The following SH3GL2 variants were observed in gnomAD, a reference collection of about 807,000 sequenced individuals.
SH3GL2 encodes endophilin-A1.
Under a neutral mutation model 46.0 loss-of-function variants are expected in SH3GL2, and 24 were observed. The observed-to-expected ratio is 0.52, with a 90% confidence interval of 0.38 to 0.73. SH3GL2 has a LOEUF of 0.73. Ranked by LOEUF, SH3GL2 falls within the 30% of genes least tolerant of loss-of-function variation. The probability of loss-of-function intolerance (pLI) is 0.00; values close to 1 mark genes in which losing one functional copy is unlikely to be tolerated. For synonymous variants in SH3GL2, 196 were observed against 147.1 expected, an observed-to-expected ratio of 1.33 and a Z score of -2.40; for missense variants, 413 against 424.2, an observed-to-expected ratio of 0.97 and a Z score of 0.23.
At chr9:17,763,419 C>A (rs896925313) in intron 3 of SH3GL2, among the ~76,000 whole-genome samples, 1 of 152,116 alleles carries the variant, frequency 6.6e-6, no homozygotes, top group Admixed American at 6.5e-5. Flanking sequence ...CCCCTAGAAC[C>A]AGTGATGGGT....
intron 3 of SH3GL2, among the ~76,000 whole-genome samples, chr9:17,780,473 T>G (rs1259365488): frequency 7.8e-6 from 1 of 128,050 alleles, no homozygotes; most frequent in East Asian, 2.0e-4. Context: ...AGCACAGTTT[T>G]TTTTTTTAAT....
At chr9:17,692,995 C>G (rs184793282) in intron 1 of SH3GL2, among the ~76,000 whole-genome samples, 236 of 152,206 alleles carry the variant, frequency 1.6e-3, no homozygotes, top group African/African-American at 5.5e-3. Context: ...AGTTACCTCC[C>G]CCTGGGTCCC....
At chr9:17,702,036 A>C (rs1241576322) in intron 1 of SH3GL2, among the ~76,000 whole-genome samples, 1 of 152,128 alleles carries the variant, frequency 6.6e-6, no homozygotes, top group African/African-American at 2.4e-5. Flanking sequence ...TATATTTAAA[A>C]ACATTAAAAA....
At chr9:17,695,261 A>G (rs1469125718) in intron 1 of SH3GL2, among the ~76,000 whole-genome samples, 2 of 152,218 alleles carry the variant, frequency 1.3e-5, no homozygotes, top group East Asian at 3.9e-4. Flanking sequence ...GTGAAATGCG[A>G]TCCCTTTAAC....
chr9:17,740,354 G>A (rs959251383), intron 1 of SH3GL2, among the ~76,000 whole-genome samples: 1 of 151,996 alleles, frequency 6.6e-6, no homozygotes, highest in Non-Finnish European at 1.5e-5. Flanking sequence ...ATTATACATG[G>A]GGATACCACC....
At chr9:17,677,885 T>C (rs1441598388) in intron 1 of SH3GL2, among the ~76,000 whole-genome samples, 1 of 151,772 alleles carries the variant, frequency 6.6e-6, no homozygotes, top group African/African-American at 2.4e-5. Flanking sequence ...CGGTGTTTGG[T>C]TTTTGTCCTT....
rs200494117 is a variant in SH3GL2, at chr9:17,679,897, T to C, written c.46-67169T>C. Among the ~76,000 whole-genome samples the C allele has an allele frequency of 2.0e-4, 31 of 152,342 alleles. 1 individual carries two copies. The East Asian group carries it at 5.8e-3, about 28-fold the overall frequency. The stretch of plus-strand genomic sequence containing the variant: ...ATCTCTTGAGATAATCATGTGGTTT[T>C]TGTCTTTGGTTCTGTTTATATGCTG... On this transcript the variant is annotated intron_variant, in intron 1 of 8. Transcript: ENST00000380607.
At chr9:17,729,438 T>C (rs1405129410) in intron 1 of SH3GL2, among the ~76,000 whole-genome samples, 3 of 152,204 alleles carry the variant, frequency 2.0e-5, no homozygotes, top group African/African-American at 7.2e-5. Flanking sequence ...ATAGTTTCTT[T>C]TGCTCTACAG....
chr9:17,678,169 C>T (rs1191783889), intron 1 of SH3GL2, among the ~76,000 whole-genome samples: 1 of 151,998 alleles, frequency 6.6e-6, no homozygotes, highest in African/African-American at 2.4e-5. Flanking sequence ...ATTGCTGGGT[C>T]AAATGGTATT....
chr9:17,634,729 A>G (rs372818314), intron 1 of SH3GL2, among the ~76,000 whole-genome samples: 1 of 152,190 alleles, frequency 6.6e-6, no homozygotes, highest in African/African-American at 2.4e-5. Context: ...CTTCAGTGAA[A>G]GCAGCACAGA....
chr9:17,787,608 T>C, intron 5 of SH3GL2, 95 bp downstream of exon 5: 1 of 995,044 alleles, frequency 1.0e-6, no homozygotes, highest in Middle Eastern at 2.4e-4. Context: ...GCTTACCCTG[T>C]GTGTTGTCAG....
At chr9:17,699,591 A>T (rs889474667) in intron 1 of SH3GL2, among the ~76,000 whole-genome samples, 2 of 152,164 alleles carry the variant, frequency 1.3e-5, no homozygotes, top group African/African-American at 4.8e-5. Context: ...CCTCAGCCTT[A>T]CTACCATGTG....
chr9:17,579,294 C>A lies in SH3GL2; in HGVS notation c.45+7C>A. The stretch of plus-strand genomic sequence containing the variant: ...GTTCCATAAAGCCACTCAGGTAAGG[C>A]GCGCGGCAGGTGCGTCCCGGGGCAG... On this transcript the variant is annotated splice_region_variant and intron_variant, in intron 1 of 8. Coordinates refer to ENST00000380607, the MANE Select transcript of SH3GL2 (RefSeq NM_003026.5). The A allele has an allele frequency of 6.4e-7, 1 of 1,558,470 alleles. No homozygotes were observed. Among genetic ancestry groups the A allele is most frequent in the Non-Finnish European group, 8.7e-7 (1 of 1,152,680 alleles).
intron 8 of SH3GL2, 93 bp downstream of exon 8, chr9:17,793,590 A>G (rs1824195111): frequency 7.4e-6 from 9 of 1,208,892 alleles, no homozygotes; most frequent in South Asian, 6.6e-5. Flanking sequence ...ATCTGGCTGC[A>G]TAGGAAATAT....
intron 1 of SH3GL2, among the ~76,000 whole-genome samples, chr9:17,682,273 C>T (rs577402378): frequency 3.3e-5 from 5 of 152,040 alleles, no homozygotes; most frequent in East Asian, 1.9e-4. Flanking sequence ...ATGTTTTTTG[C>T]GTATTATTTT....
chr9:17,666,532 T>C (rs1820345036), intron 1 of SH3GL2, among the ~76,000 whole-genome samples: 1 of 145,266 alleles, frequency 6.9e-6, no homozygotes, highest in Non-Finnish European at 1.5e-5. Flanking sequence ...CACTCTTTCA[T>C]ACACAAAGGT....
At chr9:17,724,885 T>G (rs1162301190) in intron 1 of SH3GL2, among the ~76,000 whole-genome samples, 1 of 151,674 alleles carries the variant, frequency 6.6e-6, no homozygotes, top group Admixed American at 6.6e-5. Flanking sequence ...CATTTATTGA[T>G]CAATATTTGT....
At chr9:17,679,420 T>G (rs1282331587) in intron 1 of SH3GL2, among the ~76,000 whole-genome samples, 1 of 152,036 alleles carries the variant, frequency 6.6e-6, no homozygotes, top group Non-Finnish European at 1.5e-5. Context: ...CACTCATGAT[T>G]TGGCTGTTTG....
At chr9:17,720,037 A>G (rs966890487) in intron 1 of SH3GL2, among the ~76,000 whole-genome samples, 1 of 152,066 alleles carries the variant, frequency 6.6e-6, no homozygotes, top group African/African-American at 2.4e-5. Flanking sequence ...GTTGACCAAA[A>G]CAAATACACA....
Sources: gnomAD v4.1 joint callset for allele counts (sites outside exome capture counted in the v4.1 genomes callset) on GRCh38, gnomAD v4.1.1 for gene constraint, MANE v1.5 for transcripts, NCBI Gene and HGNC (gene_info 2026-07-23, HGNC 2026-07-21) for gene names.